The following BCAS4 variants were observed in gnomAD, a reference collection of about 807,000 sequenced individuals.
The protein encoded by BCAS4 is breast carcinoma amplified sequence 4, also known as breast carcinoma-amplified sequence 4.
BCAS4 carries 9 observed loss-of-function variants against 15.7 expected under a neutral mutation model. That is an observed-to-expected ratio of 0.57 (90% CI 0.34 to 1.00). BCAS4 has a LOEUF of 1.00. Among genes scored for constraint, BCAS4 ranks in the 50% least tolerant of loss-of-function variants. The pLI is 0.02. For synonymous variants in BCAS4, 101 were observed against 99.5 expected (o/e 1.02, Z -0.09); for missense variants, 225 against 239.1 (o/e 0.94, Z 0.39).
chr20:50,836,152 G>A (rs1458891228), intron 3 of BCAS4, among the ~76,000 whole-genome samples: 1 of 152,122 alleles, frequency 6.6e-6, no homozygotes, highest in East Asian at 1.9e-4. Context: ...TCCTGACCTC[G>A]TGATCTGCCC....
intron 1 of BCAS4, among the ~76,000 whole-genome samples, chr20:50,807,078 GC>G (rs1370242327): frequency 1.3e-5 from 2 of 151,714 alleles, no homozygotes; most frequent in African/African-American, 4.8e-5. Flanking sequence ...CACTATGTTG[GC>G]CAGACTGGTC....
chr20:50,840,080 G>C (rs2088457751), intron 3 of BCAS4, among the ~76,000 whole-genome samples: 1 of 152,036 alleles, frequency 6.6e-6, no homozygotes, highest in African/African-American at 2.4e-5. Flanking sequence ...TTACCATGTT[G>C]CCCAGGCTGG....
chr20:50,796,513 T>G (rs1329513514), intron 1 of BCAS4, among the ~76,000 whole-genome samples: 19 of 98,592 alleles, frequency 1.9e-4, no homozygotes, highest in African/African-American at 7.8e-4. Context: ...TTTTTTTTTT[T>G]GAGATGGAGT....
At chr20:50,818,181 C>G (rs745729982) in intron 1 of BCAS4, 30 bp from the exon 2 acceptor site, 88 of 1,603,560 alleles carry the variant, frequency 5.5e-5, no homozygotes, top group Non-Finnish European at 7.2e-5. Context: ...AAACCACTTG[C>G]TAATCTCCAG....
intron 4 of BCAS4, among the ~76,000 whole-genome samples, chr20:50,858,823 C>G (rs1170117686): frequency 1.4e-5 from 2 of 147,106 alleles, no homozygotes; most frequent in African/African-American, 5.1e-5. Flanking sequence ...AACTTCTGGG[C>G]TCGAGCAATC....
intron 4 of BCAS4, among the ~76,000 whole-genome samples, chr20:50,845,171 G>T (rs2088528619): frequency 6.6e-6 from 1 of 152,086 alleles, no homozygotes. Flanking sequence ...GGGTTAAGTT[G>T]CTTGCCCACC....
Position 50,876,777 on chromosome 20 carries a change from C to A in BCAS4, c.*169C>A. On this transcript the variant is annotated 3_prime_UTR_variant, in exon 5 of 5. Coordinates refer to ENST00000371608, the MANE Select transcript of BCAS4 (RefSeq NM_198799.4). Reference sequence around the variant, plus strand: ...CAGACTGATCTCAAACTCCTGGGCTCAAGTGATCCACCCACCTTGGCCTTC... The same window carrying A: ...CAGACTGATCTCAAACTCCTGGGCTAAAGTGATCCACCCACCTTGGCCTTC... 1.2e-6 allele frequency: 1 copy of A among 861,102 alleles called. No homozygotes were observed. Among genetic ancestry groups the A allele is most frequent in the Non-Finnish European group, 1.6e-6 (1 of 643,356 alleles). The allele number at this position is 861,102 out of a possible 1,614,324, so 53.3% of individuals were successfully genotyped here. A position where few individuals can be genotyped will look rare whatever the true frequency, so the allele number is the denominator to read the frequency against.
chr20:50,848,845 G>C (rs1008628978), intron 4 of BCAS4, among the ~76,000 whole-genome samples: 1 of 152,252 alleles, frequency 6.6e-6, no homozygotes, highest in Non-Finnish European at 1.5e-5. Context: ...GCCCTTGTCC[G>C]GTCAGAGGAA....
intron 4 of BCAS4, among the ~76,000 whole-genome samples, chr20:50,844,746 C>T (rs2088522613): frequency 7.3e-6 from 1 of 137,434 alleles, no homozygotes. Flanking sequence ...AGGGATGTGG[C>T]ATCCCCCCCC....
intron 1 of BCAS4, among the ~76,000 whole-genome samples, chr20:50,800,719 G>T (rs1043254753): frequency 6.6e-6 from 1 of 151,852 alleles, no homozygotes; most frequent in African/African-American, 2.4e-5. Context: ...GCACTACCAC[G>T]CCCGGCTAAT....
intron 2 of BCAS4, among the ~76,000 whole-genome samples, chr20:50,821,146 G>T (rs753657221): frequency 1.3e-5 from 2 of 152,232 alleles, no homozygotes; most frequent in Non-Finnish European, 2.9e-5. Flanking sequence ...CAGCCGCCAC[G>T]TGCTTGTGTA....
At chr20:50,801,079 T>C (rs936311011) in intron 1 of BCAS4, among the ~76,000 whole-genome samples, 1 of 152,178 alleles carries the variant, frequency 6.6e-6, no homozygotes, top group African/African-American at 2.4e-5. Context: ...TCGCATCCTT[T>C]TGTGACCTGC....
intron 1 of BCAS4, among the ~76,000 whole-genome samples, chr20:50,808,147 C>T (rs570376297): frequency 2.6e-5 from 4 of 152,106 alleles, no homozygotes; most frequent in East Asian, 1.9e-4. Context: ...CTCCTGACCT[C>T]GTGATCCGCC....
At chr20:50,837,937 G>T (rs1477129771) in intron 3 of BCAS4, among the ~76,000 whole-genome samples, 1 of 152,052 alleles carries the variant, frequency 6.6e-6, no homozygotes, top group East Asian at 1.9e-4. Context: ...CTTGGCATAT[G>T]CTTCCTGGCC....
rs1436528816 is a variant in BCAS4, at chr20:50,830,336, C to T, written c.220C>T (p.Leu74=). ...EENIPVLKAK[L]TEMRGIYAKV... is the part of the protein sequence containing the mutation. Reference sequence around the variant, plus strand: ...AAACATCCCAGTCCTTAAGGCCAAACTGACAGAAATGCGTGGCATCTATGC... The same window carrying T: ...AAACATCCCAGTCCTTAAGGCCAAATTGACAGAAATGCGTGGCATCTATGC... Residue 74 remains leucine, a synonymous_variant, in exon 3 of 5, where the codon CTG becomes TTG. Coordinates refer to ENST00000371608, the MANE Select transcript of BCAS4 (RefSeq NM_198799.4). 6.2e-7 allele frequency: 1 copy of T among 1,613,912 alleles called. No homozygotes were observed. The highest frequency in any genetic ancestry group is 8.5e-7 in the Non-Finnish European group (1 of 1,179,984).
chr20:50,842,441 G>A (rs2088496583), intron 4 of BCAS4, among the ~76,000 whole-genome samples: 2 of 152,190 alleles, frequency 1.3e-5, no homozygotes, highest in African/African-American at 4.8e-5. Context: ...TTTTGAAATG[G>A]GGTCTCACTC....
intron 2 of BCAS4, among the ~76,000 whole-genome samples, chr20:50,818,970 G>T (rs1358437721): frequency 6.6e-6 from 1 of 152,142 alleles, no homozygotes; most frequent in Non-Finnish European, 1.5e-5. Context: ...ATCACTTGAG[G>T]TCAGGAGTTC....
chr20:50,874,905 G>T (rs999570338), intron 4 of BCAS4, among the ~76,000 whole-genome samples: 1 of 152,210 alleles, frequency 6.6e-6, no homozygotes, highest in African/African-American at 2.4e-5. Context: ...GAGGTGGCCA[G>T]GAGACGAGAC....
intron 4 of BCAS4, among the ~76,000 whole-genome samples, chr20:50,855,996 G>T (rs1413054269): frequency 1.3e-5 from 2 of 152,248 alleles, no homozygotes; most frequent in Admixed American, 6.5e-5. Flanking sequence ...GGACAGGCTG[G>T]GAAAGGCCTG....
Sources: gnomAD v4.1 joint callset for allele counts (sites outside exome capture counted in the v4.1 genomes callset) on GRCh38, gnomAD v4.1.1 for gene constraint, MANE v1.5 for transcripts, NCBI Gene and HGNC (gene_info 2026-07-23, HGNC 2026-07-21) for gene names.